The following PCDH15 variants were observed in gnomAD, a reference collection of about 807,000 sequenced individuals.
PCDH15 encodes protocadherin related 15, also known as protocadherin-15.
A neutral mutation model predicts 178.5 loss-of-function variants in PCDH15; 129 were observed. The ratio of observed to expected loss-of-function variants is 0.72; its 90% confidence interval spans 0.63 to 0.84. The LOEUF is 0.84. PCDH15 is among the 40% of genes least tolerant of loss of function. The pLI is 0.00. For synonymous variants in PCDH15, 800 were observed against 732.0 expected (o/e 1.09, Z -1.50); for missense variants, 2,230 against 2,099.9 (o/e 1.06, Z -1.21).
chr10:53,854,767 T>A (rs188658450), intron 28 of PCDH15, among the ~76,000 whole-genome samples: 2 of 152,120 alleles, frequency 1.3e-5, no homozygotes, highest in Admixed American at 1.3e-4. Context: ...TTGTCCTAGA[T>A]ACATTATATA....
chr10:54,135,539 C>G (rs929966965), intron 14 of PCDH15, among the ~76,000 whole-genome samples: 1 of 152,294 alleles, frequency 6.6e-6, no homozygotes, highest in East Asian at 1.9e-4. Context: ...GACCTAACAT[C>G]CTTCCAGGTG....
chr10:55,052,535 T>A (rs1841191295), intron 2 of PCDH15, among the ~76,000 whole-genome samples: 1 of 28 alleles, frequency 0.036, no homozygotes, highest in African/African-American at 0.083. Context: ...CCCCGTCTCA[T>A]ACAAAAAAAA....
At chr10:54,704,932 C>T (rs1191553095) in intron 1 of PCDH15, among the ~76,000 whole-genome samples, 1 of 152,032 alleles carries the variant, frequency 6.6e-6, no homozygotes, top group Non-Finnish European at 1.5e-5. Flanking sequence ...ATCAAAATGC[C>T]CATCAGTAGT....
intron 3 of PCDH15, among the ~76,000 whole-genome samples, chr10:54,877,157 T>G (rs373943173): frequency 1.3e-5 from 2 of 152,264 alleles, no homozygotes; most frequent in African/African-American, 4.8e-5. Context: ...AACTATAAGG[T>G]ATTTTCTAAA....
intron 2 of PCDH15, among the ~76,000 whole-genome samples, chr10:55,088,778 C>A (rs898102806): frequency 1.3e-5 from 2 of 151,090 alleles, no homozygotes; most frequent in Non-Finnish European, 2.9e-5. Context: ...TTAAAGAATA[C>A]CTTCATAAAT....
intron 2 of PCDH15, among the ~76,000 whole-genome samples, chr10:54,640,067 C>T (rs1414786098): frequency 6.6e-6 from 1 of 151,856 alleles, no homozygotes; most frequent in African/African-American, 2.4e-5. Context: ...TGCACTCCAG[C>T]CTGGCAACAT....
At chr10:54,669,969 G>T (rs759235660) in intron 1 of PCDH15, among the ~76,000 whole-genome samples, 1 of 151,864 alleles carries the variant, frequency 6.6e-6, no homozygotes, top group African/African-American at 2.4e-5. Context: ...TAGAAGAATC[G>T]CTTGAACCCA....
chr10:54,863,165 T>C (rs991757252), intron 3 of PCDH15, among the ~76,000 whole-genome samples: 1 of 152,178 alleles, frequency 6.6e-6, no homozygotes, highest in African/African-American at 2.4e-5. Flanking sequence ...ATGATTAATT[T>C]TACGATGGTA....
At chr10:55,131,624 T>C (rs1003498846) in intron 2 of PCDH15, among the ~76,000 whole-genome samples, 5 of 152,100 alleles carry the variant, frequency 3.3e-5, no homozygotes, top group African/African-American at 1.2e-4. Context: ...ATTACAGCTC[T>C]TAAGAGACCC....
intron 1 of PCDH15, among the ~76,000 whole-genome samples, chr10:55,244,447 G>A (rs544397778): frequency 6.6e-6 from 1 of 151,908 alleles, no homozygotes; most frequent in Non-Finnish European, 1.5e-5. Context: ...AGGAAATACT[G>A]GACAAACATG....
intron 3 of PCDH15, among the ~76,000 whole-genome samples, chr10:54,421,472 T>C (rs1269939465): frequency 7.7e-6 from 1 of 130,282 alleles, no homozygotes; most frequent in Non-Finnish European, 1.8e-5. Flanking sequence ...CTTTATTATA[T>C]TTAGCATTTG....
rs898177040 is a variant in PCDH15, at chr10:53,975,552, T to C, written c.2869-13660A>G. 3.9e-5 allele frequency among the ~76,000 whole-genome samples: 6 copies of C among 152,176 alleles called. No individual in the cohort carries two copies. The South Asian group carries it at 8.3e-4, about 21-fold the overall frequency. ...TATTAGTGATGAACATTTTTTCTTATGTTTGTTAGTTGCTTGTATGTTTTC... is the reference window on the plus strand; with the variant it reads ...TATTAGTGATGAACATTTTTTCTTACGTTTGTTAGTTGCTTGTATGTTTTC... On this transcript the variant is annotated intron_variant, in intron 21 of 37. Transcript: ENST00000644397.
chr10:55,315,681 G>A (rs1461916575), intron 1 of PCDH15, among the ~76,000 whole-genome samples: 1 of 151,960 alleles, frequency 6.6e-6, no homozygotes, highest in Non-Finnish European at 1.5e-5. Flanking sequence ...TATTCATTCA[G>A]TACTTCTCAG....
At chr10:55,296,595 GT>G (rs2132273545) in intron 1 of PCDH15, among the ~76,000 whole-genome samples, 1 of 152,266 alleles carries the variant, frequency 6.6e-6, no homozygotes, top group African/African-American at 2.4e-5. Context: ...AGTTATAAGG[GT>G]TTTAGAAGCT....
At chr10:54,854,738 T>A (rs1425566193) in intron 3 of PCDH15, among the ~76,000 whole-genome samples, 2 of 151,752 alleles carry the variant, frequency 1.3e-5, no homozygotes, top group South Asian at 2.1e-4. Flanking sequence ...GGCCTCAGAG[T>A]GGAGGTAGTG....
At chr10:54,644,481 G>T (rs1201433529) in intron 2 of PCDH15, among the ~76,000 whole-genome samples, 2 of 151,718 alleles carry the variant, frequency 1.3e-5, no homozygotes, top group Non-Finnish European at 2.9e-5. Context: ...TTCACTCAAG[G>T]TCAACAAAGA....
In PCDH15 at chr10:54,779,484, A is replaced by ATGTGTG. The variant is rs754781784; in HGVS notation, c.-29+21440_-29+21441insCACACA. On this transcript the variant is annotated intron_variant, in intron 1 of 37. Transcript: ENST00000644397. ...TGTGTGTATATATATACACACATAT[A>ATGTGTG]TATGTATATATATACACACATATAT... Among the ~76,000 whole-genome samples, 159 of 50,166 alleles carry ATGTGTG rather than the reference A, an allele frequency of 3.2e-3. 2 individuals are homozygous for ATGTGTG. Among genetic ancestry groups the ATGTGTG allele is most frequent in the Admixed American group, 5.8e-3 (29 of 5,038 alleles). 32.9% of individuals were successfully genotyped at this position (50,166 alleles called of 152,430 possible). A position where few individuals can be genotyped will look rare whatever the true frequency, so the allele number is the denominator to read the frequency against.
intron 2 of PCDH15, among the ~76,000 whole-genome samples, chr10:55,396,017 T>C (rs771752106): frequency 4.1e-4 from 62 of 152,194 alleles, no homozygotes; most frequent in Non-Finnish European, 5.9e-4. Flanking sequence ...AGCATAGTAA[T>C]ACAATTTTAC....
chr10:55,076,280 T>G (rs1201852517), intron 2 of PCDH15, among the ~76,000 whole-genome samples: 3 of 152,176 alleles, frequency 2.0e-5, no homozygotes, highest in Non-Finnish European at 4.4e-5. Context: ...GTCCAATGTT[T>G]CTTTATTGGT....
Sources: allele counts gnomAD v4.1 joint callset (sites outside exome capture counted in the v4.1 genomes callset), GRCh38; gene constraint gnomAD v4.1.1; transcripts MANE v1.5; gene names NCBI Gene and HGNC (gene_info 2026-07-23, HGNC 2026-07-21).